The following ADARB2 variants were observed in gnomAD, a reference collection of about 807,000 sequenced individuals.
The protein encoded by ADARB2 is adenosine deaminase RNA specific B2 (inactive), also known as inactive double-stranded RNA-specific editase B2.
A neutral mutation model predicts 62.2 loss-of-function variants in ADARB2; 25 were observed. That is an observed-to-expected ratio of 0.40 (90% CI 0.29 to 0.56). The LOEUF is 0.56. ADARB2 is among the 20% of genes least tolerant of loss of function. The pLI is 0.43. For synonymous variants in ADARB2, 572 were observed against 500.8 expected (o/e 1.14, Z -1.90); for missense variants, 1,071 against 1,077.4 (o/e 0.99, Z 0.08).
At chr10:1,219,441 G>A (rs1044559906) in intron 6 of ADARB2, among the ~76,000 whole-genome samples, 5 of 152,316 alleles carry the variant, frequency 3.3e-5, no homozygotes, top group Non-Finnish European at 5.9e-5. Flanking sequence ...AAGAAAGATC[G>A]CTGCATTCTT....
chr10:1,544,956 T>TACAC (rs1554770300), intron 1 of ADARB2, among the ~76,000 whole-genome samples: 44 of 133,932 alleles, frequency 3.3e-4, no homozygotes, highest in African/African-American at 1.0e-3. Flanking sequence ...TAGCAAAGTA[T>TACAC]ACACACACAC....
At chr10:1,492,746 C>A (rs192048566) in intron 1 of ADARB2, among the ~76,000 whole-genome samples, 2 of 152,084 alleles carry the variant, frequency 1.3e-5, no homozygotes, top group Admixed American at 6.5e-5. Context: ...CTGAGTCTCA[C>A]AATCAGAAGG....
chr10:1,333,221 G>C (rs952661), intron 3 of ADARB2, among the ~76,000 whole-genome samples: 14,204 of 152,198 alleles, frequency 0.093, 1,114 homozygotes, highest in African/African-American at 0.21. Flanking sequence ...TGCCATAATT[G>C]CTTAGTTTGG....
chr10:1,591,015 C>T lies in ADARB2; in HGVS notation c.100+146036G>A, dbSNP rs117914478. On this transcript the variant is annotated intron_variant, in intron 1 of 9. Transcript: ENST00000381312. ...GTCCATCTAATGCCACGCTGGGCTC[C>T]GCAAACAGGTGCAATTTCTATGTGT... Among the ~76,000 whole-genome samples the T allele has an allele frequency of 4.5e-4, 68 of 152,338 alleles. 1 individual carries two copies. In the East Asian group the frequency reaches 0.012, roughly 28 times the overall value.
At chr10:1,265,340 C>T (rs1017743741) in intron 4 of ADARB2, among the ~76,000 whole-genome samples, 1 of 152,258 alleles carries the variant, frequency 6.6e-6, no homozygotes, top group African/African-American at 2.4e-5. Context: ...ATCATTCGCT[C>T]ATGAAACACA....
intron 1 of ADARB2, among the ~76,000 whole-genome samples, chr10:1,578,659 C>G (rs1040024547): frequency 2.8e-4 from 9 of 32,308 alleles, no homozygotes; most frequent in Admixed American, 1.0e-3. Flanking sequence ...CCATGTTACC[C>G]CAAACACACA....
intron 3 of ADARB2, among the ~76,000 whole-genome samples, chr10:1,302,727 C>A (rs1315362469): frequency 6.6e-6 from 1 of 152,210 alleles, no homozygotes; most frequent in Non-Finnish European, 1.5e-5. Context: ...ACCCCTGACC[C>A]CTGAGCAGCC....
At chr10:1,413,137 G>A (rs1832772825) in intron 1 of ADARB2, among the ~76,000 whole-genome samples, 1 of 152,204 alleles carries the variant, frequency 6.6e-6, no homozygotes, top group Admixed American at 6.5e-5. Context: ...GGAGACGGGT[G>A]TTAGAATCCA....
chr10:1,633,588 C>CTA (rs769940152), intron 1 of ADARB2, among the ~76,000 whole-genome samples: 97 of 126,746 alleles, frequency 7.7e-4, no homozygotes, highest in South Asian at 1.9e-3. Context: ...ATCTATCTAT[C>CTA]TATCTATCTA....
intron 8 of ADARB2, among the ~76,000 whole-genome samples, chr10:1,196,196 C>T (rs1836908929): frequency 2.1e-5 from 3 of 144,202 alleles, no homozygotes; most frequent in Admixed American, 2.1e-4. Flanking sequence ...CTTTTTAATC[C>T]TTCTTTTGCC....
At chr10:1,354,519 C>T (rs1486634839) in intron 3 of ADARB2, among the ~76,000 whole-genome samples, 1 of 152,180 alleles carries the variant, frequency 6.6e-6, no homozygotes, top group Non-Finnish European at 1.5e-5. Flanking sequence ...AATAAACGGC[C>T]TTGTTGCTCA....
intron 1 of ADARB2, among the ~76,000 whole-genome samples, chr10:1,646,040 G>A (rs1249482406): frequency 6.6e-6 from 1 of 152,178 alleles, no homozygotes; most frequent in African/African-American, 2.4e-5. Flanking sequence ...GGACACATGA[G>A]GATGGCACCC....
rs781144444 is a variant in ADARB2, at chr10:1,443,073, TG to T, written c.101-63914del. ...TTGGGAAGGCCTGGAGAGAAGTGAA[TG>T]AATAAAAACAACAAACAAACAAACA... On this transcript the variant is annotated intron_variant, in intron 1 of 9. Coordinates refer to ENST00000381312, the MANE Select transcript of ADARB2 (RefSeq NM_018702.4). Among the ~76,000 whole-genome samples, 12 of 151,620 alleles carry T rather than the reference TG, an allele frequency of 7.9e-5. 1 individual carries two copies. Among genetic ancestry groups the T allele is most frequent in the Non-Finnish European group, 1.3e-4 (9 of 67,910 alleles).
chr10:1,647,626 G>A (rs1038913588), intron 1 of ADARB2, among the ~76,000 whole-genome samples: 2 of 152,106 alleles, frequency 1.3e-5, no homozygotes, highest in South Asian at 2.1e-4. Context: ...GTATTTATAT[G>A]TGTGTGGATA....
rs147392109 is a variant in ADARB2, at chr10:1,582,822, C to A, written c.100+154229G>T. Among the ~76,000 whole-genome samples the A allele has an allele frequency of 5.5e-3, 844 of 152,316 alleles. 10 individuals are homozygous for A. The highest frequency in any genetic ancestry group is 0.019 in the African/African-American group (809 of 41,566). ...AATGTCAGCCAGGCCCCATTCAGCA[C>A]CCTCCTCGTAGTGCCCTTCAGCACT... On this transcript the variant is annotated intron_variant, in intron 1 of 9. Transcript: ENST00000381312.
chr10:1,610,748 GCA>G (rs56043096), intron 1 of ADARB2, among the ~76,000 whole-genome samples: 78,429 of 150,230 alleles, frequency 0.52, 20,507 homozygotes, highest in Non-Finnish European at 0.57. Context: ...ATGGGCAGGC[GCA>G]CACACACACA....
chr10:1,707,190 C>G (rs547425746), intron 1 of ADARB2, among the ~76,000 whole-genome samples: 2 of 152,266 alleles, frequency 1.3e-5, no homozygotes, highest in Non-Finnish European at 2.9e-5. Context: ...CCTGCACCGG[C>G]GCACAGCTCA....
At chr10:1,232,565 A>G (rs534562477) in intron 6 of ADARB2, among the ~76,000 whole-genome samples, 94 of 138,820 alleles carry the variant, frequency 6.8e-4, no homozygotes, top group East Asian at 8.7e-4. Flanking sequence ...TGTATGTGCT[A>G]TGTGTGTGGT....
chr10:1,351,427 C>T (rs954471708), intron 3 of ADARB2, among the ~76,000 whole-genome samples: 17 of 151,760 alleles, frequency 1.1e-4, no homozygotes, highest in African/African-American at 3.9e-4. Context: ...TTAAAACTCC[C>T]CAACTCTGGT....
Sources: allele counts gnomAD v4.1 joint callset (sites outside exome capture counted in the v4.1 genomes callset), GRCh38; gene constraint gnomAD v4.1.1; transcripts MANE v1.5; gene names NCBI Gene and HGNC (gene_info 2026-07-23, HGNC 2026-07-21).